SCARA3: variants seen among roughly 807,000 people sequenced by gnomAD.
SCARA3 encodes cellular stress response gene protein.
A neutral mutation model predicts 47.0 loss-of-function variants in SCARA3; 39 were observed. The ratio of observed to expected loss-of-function variants is 0.83; its 90% CI spans 0.64 to 1.08. SCARA3 has a LOEUF of 1.08. Ranked by LOEUF, SCARA3 falls within the 50% of genes least tolerant of loss-of-function variation. The pLI, the probability that SCARA3 is intolerant of heterozygous loss-of-function variation, is 0.00. For synonymous variants in SCARA3, 356 were observed against 334.1 expected (o/e 1.07, Z -0.71); for missense variants, 724 against 792.3 (o/e 0.91, Z 1.04).
chr8:27,672,111 G>A lies in SCARA3; in HGVS notation c.*760G>A. On this transcript the variant is annotated 3_prime_UTR_variant, in exon 6 of 6. Coordinates refer to ENST00000301904, the MANE Select transcript of SCARA3 (RefSeq NM_016240.3). Reference sequence around the variant, plus strand: ...AACCACAAGACCCTCCCCATAAGCAGGGGACCAGCATACCCGGGAGCTGTC... The same window carrying A: ...AACCACAAGACCCTCCCCATAAGCAAGGGACCAGCATACCCGGGAGCTGTC... 1 of 985,468 alleles carries A rather than the reference G, an allele frequency of 1.0e-6. No homozygotes were observed. The highest frequency in any genetic ancestry group is 1.2e-6 in the Non-Finnish European group (1 of 829,948). The allele number at this position is 985,468 out of a possible 1,614,324, so 61.0% of individuals were successfully genotyped here. A position where few individuals can be genotyped will look rare whatever the true frequency, so the allele number is the denominator to read the frequency against.
chr8:27,717,201 C>G, the SCARA3 span, among the ~76,000 whole-genome samples: 1 of 152,164 alleles, frequency 6.6e-6, no homozygotes, highest in African/African-American at 2.4e-5. Context: ...GAAATGCAGT[C>G]TCTAGGTGAA....
At chr8:27,646,512 C>T (rs953885282) in intron 1 of SCARA3, among the ~76,000 whole-genome samples, 16 of 152,112 alleles carry the variant, frequency 1.1e-4, no homozygotes, top group African/African-American at 3.6e-4. Context: ...GGGAGGAGGC[C>T]CAGTCACGGG....
Position 27,659,504 on chromosome 8 carries a change from A to G in SCARA3, c.1334A>G (p.His445Arg), listed in dbSNP as rs1801845342. The change falls in exon 5 of 6, where the codon CAT becomes CGT. Residue 445 changes from histidine to arginine, a missense_variant. Physicochemically the swap from His to Arg is conservative, Grantham distance 29. Transcript: ENST00000301904. Reference protein sequence around the residue: ...VEEMKAVDTQHGEILRNVTIL... With the variant: ...VEEMKAVDTQRGEILRNVTIL... ...GAGATGAAGGCAGTGGACACACAGC[A>G]TGGAGAAATCCTTCGCAATGTCACC... 2 of 1,613,170 alleles carry G rather than the reference A, an allele frequency of 1.2e-6. No individual in the cohort carries two copies. The highest frequency in any genetic ancestry group is 2.2e-5 in the East Asian group (1 of 44,856).
downstream of SCARA3, among the ~76,000 whole-genome samples, chr8:27,680,210 G>A (rs1036376799): frequency 6.6e-6 from 1 of 151,572 alleles, no homozygotes; most frequent in Non-Finnish European, 1.5e-5. Flanking sequence ...TAAATTGAAG[G>A]TAGAAAACAA....
chr8:27,730,253 G>A, the SCARA3 span, among the ~76,000 whole-genome samples: 1 of 152,268 alleles, frequency 6.6e-6, no homozygotes, highest in South Asian at 2.1e-4. Context: ...TCAAGGGTAG[G>A]GACACCAAGT....
the SCARA3 span, among the ~76,000 whole-genome samples, chr8:27,725,912 T>C: frequency 2.6e-5 from 4 of 152,184 alleles, no homozygotes; most frequent in Admixed American, 6.5e-5. Context: ...CTTTTTAAAC[T>C]GTCACATGAA....
the SCARA3 span, among the ~76,000 whole-genome samples, chr8:27,683,206 C>T: frequency 1.3e-5 from 2 of 151,914 alleles, no homozygotes; most frequent in Non-Finnish European, 2.9e-5. Context: ...TGTGTAATTC[C>T]ATTTATGTAA....
intron 1 of SCARA3, among the ~76,000 whole-genome samples, chr8:27,638,650 C>A (rs751698374): frequency 3.3e-5 from 5 of 152,088 alleles, no homozygotes; most frequent in Non-Finnish European, 7.4e-5. Flanking sequence ...AGCGATGGGG[C>A]GACTGCCAGG....
chr8:27,725,802 C>T, the SCARA3 span, among the ~76,000 whole-genome samples: 1 of 152,166 alleles, frequency 6.6e-6, no homozygotes, highest in African/African-American at 2.4e-5. Flanking sequence ...AGAAGCCATC[C>T]TCTGTCCGCA....
chr8:27,727,520 C>T, the SCARA3 span, among the ~76,000 whole-genome samples: 1 of 152,124 alleles, frequency 6.6e-6, no homozygotes, highest in South Asian at 2.1e-4. Flanking sequence ...CTTCCAGTGG[C>T]TCATACTAAA....
At chr8:27,662,113 C>G (rs35154713) in intron 5 of SCARA3, among the ~76,000 whole-genome samples, 2 of 152,122 alleles carry the variant, frequency 1.3e-5, no homozygotes, top group Non-Finnish European at 2.9e-5. Context: ...TGGAACTAGA[C>G]CTCTATCCCA....
chr8:27,698,759 C>T, the SCARA3 span, among the ~76,000 whole-genome samples: 2 of 151,938 alleles, frequency 1.3e-5, no homozygotes, highest in South Asian at 4.1e-4. Flanking sequence ...CATTTAGCAA[C>T]AGCATAAAAA....
chr8:27,659,381 C>G lies in SCARA3; in HGVS notation c.1211C>G (p.Ser404Cys). ...CTCTACTACCTGAACAAGTCTGTCT[C>G]CATCATGCTGGGCACCACAGACCTG... ...EELYYLNKSVSIMLGTTDLLR... is the reference protein window; with the variant it reads ...EELYYLNKSVCIMLGTTDLLR... The change falls in exon 5 of 6, where the codon TCC becomes TGC. Residue 404 changes from serine (S) to cysteine (C), a missense_variant. Ser to Cys is a moderately radical substitution (Grantham distance 112, BLOSUM62 -1). Coordinates refer to ENST00000301904, the MANE Select transcript of SCARA3 (RefSeq NM_016240.3). The G allele has an allele frequency of 6.2e-7, 1 of 1,614,108 alleles. No individual in the cohort carries two copies. The highest frequency in any genetic ancestry group is 8.5e-7 in the Non-Finnish European group (1 of 1,179,976).
chr8:27,651,298 G>A (rs1026684260), intron 2 of SCARA3, among the ~76,000 whole-genome samples: 3 of 152,226 alleles, frequency 2.0e-5, no homozygotes, highest in African/African-American at 7.2e-5. Context: ...GCTGTTCTTT[G>A]AAGTCCTGAC....
the SCARA3 span, among the ~76,000 whole-genome samples, chr8:27,728,312 T>G: frequency 7.9e-5 from 12 of 152,114 alleles, no homozygotes; most frequent in African/African-American, 2.7e-4. Context: ...GGAAGCGCAT[T>G]CCAGGATCAG....
At chr8:27,696,003 T>C in the SCARA3 span, among the ~76,000 whole-genome samples, 5 of 151,714 alleles carry the variant, frequency 3.3e-5, no homozygotes, top group Admixed American at 6.6e-5. Context: ...AAACTAGGAA[T>C]AAAGATTTTT....
intron 2 of SCARA3, among the ~76,000 whole-genome samples, 200 bp downstream of exon 2, chr8:27,650,000 T>G (rs535228765): frequency 3.9e-5 from 6 of 152,036 alleles, no homozygotes; most frequent in Admixed American, 6.6e-5. Flanking sequence ...AGTTTAATGT[T>G]TTTTTTTCTT....
intron 1 of SCARA3, among the ~76,000 whole-genome samples, chr8:27,635,775 A>G (rs1801237451): frequency 6.6e-6 from 1 of 152,124 alleles, no homozygotes; most frequent in African/African-American, 2.4e-5. Flanking sequence ...TAATTTTTTA[A>G]CAAGTCATCC....
downstream of SCARA3, among the ~76,000 whole-genome samples, chr8:27,676,973 G>T (rs920993978): frequency 6.6e-6 from 1 of 152,142 alleles, no homozygotes; most frequent in East Asian, 1.9e-4. Context: ...ACTCCCAGAC[G>T]AGGATGTTCC....
Sources: allele counts gnomAD v4.1 joint callset (sites outside exome capture counted in the v4.1 genomes callset), GRCh38; gene constraint gnomAD v4.1.1; transcripts MANE v1.5; gene names NCBI Gene and HGNC (gene_info 2026-07-23, HGNC 2026-07-21).